Variants in CELF1 observed in about 807,000 individuals in gnomAD.
CELF1 encodes the protein 50 kDa nuclear polyadenylated RNA-binding protein.
CELF1 carries 10 observed loss-of-function variants against 61.8 expected under a neutral mutation model. The observed-to-expected ratio is 0.16, with a 90% CI of 0.10 to 0.27. The LOEUF is 0.27. Ranked by LOEUF, CELF1 falls within the 10% of genes least tolerant of loss-of-function variation. The pLI is 1.00. For synonymous variants in CELF1, 236 were observed against 225.1 expected (o/e 1.05, Z -0.43); for missense variants, 380 against 639.1 (o/e 0.59, Z 4.37).
intron 1 of CELF1, among the ~76,000 whole-genome samples, chr11:47,544,693 T>C (rs910303103): frequency 5.2e-4 from 79 of 152,222 alleles, no homozygotes; most frequent in African/African-American, 1.6e-3. Flanking sequence ...CTGGTAACTA[T>C]AGGATTATAT....
chr11:47,545,194 C>T (rs2096901501), intron 1 of CELF1, among the ~76,000 whole-genome samples: 1 of 152,072 alleles, frequency 6.6e-6, no homozygotes, highest in African/African-American at 2.4e-5. Context: ...CTTTGGGAAG[C>T]CGAGGTGGGC....
At chr11:47,522,813 G>A (rs910544964) in intron 1 of CELF1, among the ~76,000 whole-genome samples, 5 of 145,236 alleles carry the variant, frequency 3.4e-5, no homozygotes, top group East Asian at 2.0e-4. Flanking sequence ...GCAACAGAGC[G>A]AGACTCCATC....
At chr11:47,561,378 G>A (rs1306652522) in intron 2 of CELF1, among the ~76,000 whole-genome samples, 1 of 138,730 alleles carries the variant, frequency 7.2e-6, no homozygotes, top group Non-Finnish European at 1.5e-5. Context: ...AGGAGGCGGA[G>A]CTTGCAGTGA....
chr11:47,526,501 C>T (rs887945345), intron 1 of CELF1, among the ~76,000 whole-genome samples: 1 of 152,136 alleles, frequency 6.6e-6, no homozygotes, highest in South Asian at 2.1e-4. Context: ...TTTTTGCCTA[C>T]TTTAGAGAAA....
chr11:47,489,498 A>G (rs1158379534), intron 3 of CELF1, among the ~76,000 whole-genome samples: 4 of 152,242 alleles, frequency 2.6e-5, no homozygotes, highest in African/African-American at 2.4e-5. Flanking sequence ...AAGTTAGAAA[A>G]GAAGCACTTG....
Position 47,518,036 on chromosome 11 carries a change from A to G in CELF1, c.-153-17104T>C, listed in dbSNP as rs556090262. 5.3e-5 allele frequency among the ~76,000 whole-genome samples: 8 copies of G among 152,264 alleles called. No homozygotes were observed. The East Asian group carries it at 5.8e-4, about 11-fold the overall frequency. On this transcript the variant is annotated intron_variant, in intron 1 of 14. Coordinates refer to ENST00000687097, the MANE Select transcript of CELF1 (RefSeq NM_001376376.1). ...CCTTGTCCACTTCCCCCTGCAACCC[A>G]TAAGTCCATTCCTACCACTTAAAAA... is the stretch of plus-strand genomic sequence containing the variant.
chr11:47,543,424 A>C (rs2096859177), intron 1 of CELF1, among the ~76,000 whole-genome samples: 1 of 152,178 alleles, frequency 6.6e-6, no homozygotes, highest in South Asian at 2.1e-4. Flanking sequence ...AGCCCAAAAA[A>C]GCCCCAAACT....
Position 47,473,246 on chromosome 11 carries a change from G to A in CELF1, c.1274-15C>T. 6.2e-7 allele frequency: 1 copy of A among 1,607,488 alleles called. No homozygotes were observed. Among genetic ancestry groups the A allele is most frequent in the African/African-American group, 1.3e-5 (1 of 74,666 alleles). ...TCCCTCTGGACCTTCAAAATACCCAGGAATTGGAAAAGTATCAGTGTCAAA... is the reference window on the plus strand; with the variant it reads ...TCCCTCTGGACCTTCAAAATACCCAAGAATTGGAAAAGTATCAGTGTCAAA... On this transcript the variant is annotated splice_polypyrimidine_tract_variant and intron_variant, in intron 13 of 14. Transcript: ENST00000687097.
At position 47,517,076 on chromosome 11, in the gene CELF1, T is replaced by C. The variant is rs371117176; in HGVS notation, c.-153-16144A>G. ...AGCCCAGGCAATATAGTGAGACTTA[T>C]CTCTACAAAAAAATTCAAAAATTAG... On this transcript the variant is annotated intron_variant, in intron 1 of 14. Coordinates refer to ENST00000687097, the MANE Select transcript of CELF1 (RefSeq NM_001376376.1). Among the ~76,000 whole-genome samples, 14 of 152,028 alleles carry C rather than the reference T, an allele frequency of 9.2e-5. 1 individual carries two copies. In the East Asian group the frequency reaches 2.5e-3, roughly 27 times the overall value.
intron 1 of CELF1, among the ~76,000 whole-genome samples, chr11:47,543,761 T>TA (rs75482377): frequency 4.6e-4 from 69 of 148,672 alleles, no homozygotes; most frequent in Middle Eastern, 3.5e-3. Flanking sequence ...ACCCCGTCTC[T>TA]AAAAAAAAAA....
intron 9 of CELF1, among the ~76,000 whole-genome samples, chr11:47,481,662 T>C (rs2083334091): frequency 6.6e-6 from 1 of 152,206 alleles, no homozygotes; most frequent in Non-Finnish European, 1.5e-5. Flanking sequence ...TTTTCCTCTT[T>C]GACTCACAAA....
At chr11:47,537,384 AC>A (rs1365064379) in intron 1 of CELF1, among the ~76,000 whole-genome samples, 1 of 151,830 alleles carries the variant, frequency 6.6e-6, no homozygotes, top group Admixed American at 6.6e-5. Flanking sequence ...AGTAGCTGAG[AC>A]TATAGGCACA....
rs1200360027 is a variant in CELF1, at chr11:47,470,014, A to G, written c.*2216T>C. 2 of 152,260 alleles carry G rather than the reference A, an allele frequency of 1.3e-5. No individual in the cohort carries two copies. Among genetic ancestry groups the G allele is most frequent in the Non-Finnish European group, 2.9e-5 (2 of 68,092 alleles). The allele number at this position is 152,260 out of a possible 1,614,324, so 9.4% of individuals were successfully genotyped here. A position where few individuals can be genotyped will look rare whatever the true frequency, so the allele number is the denominator to read the frequency against. On this transcript the variant is annotated 3_prime_UTR_variant, in exon 15 of 15. Transcript: ENST00000687097. ...TGGAGCACAGCTCTCTCCTCTGCCA[A>G]TTCACAGCATTAACACCTTCCCCTT...
chr11:47,552,944 C>CCCCT (rs776432610), intron 1 of CELF1, 48 bp downstream of exon 1: 9 of 396,608 alleles, frequency 2.3e-5, no homozygotes, highest in Non-Finnish European at 3.6e-5. Flanking sequence ...TGCCTTTTTT[C>CCCCT]CCCTCCCTCC....
intron 1 of CELF1, among the ~76,000 whole-genome samples, chr11:47,533,083 T>C (rs2096529801): frequency 6.6e-6 from 1 of 151,866 alleles, no homozygotes. Context: ...TTTTTTTTTC[T>C]ATCACAGTAT....
intron 1 of CELF1, among the ~76,000 whole-genome samples, chr11:47,529,909 A>G (rs2096406805): frequency 6.6e-6 from 1 of 152,200 alleles, no homozygotes; most frequent in African/African-American, 2.4e-5. Flanking sequence ...AGGCAAACAA[A>G]GAAGCCACCC....
At chr11:47,547,053 G>A (rs572641081) in intron 1 of CELF1, among the ~76,000 whole-genome samples, 13 of 29,560 alleles carry the variant, frequency 4.4e-4, no homozygotes, top group African/African-American at 1.6e-3. Context: ...CAACAAAAGC[G>A]AAACTCCACC....
chr11:47,482,797 C>T lies in CELF1; in HGVS notation c.666G>A (p.Lys222=), dbSNP rs976708692. The change falls in exon 9 of 15, where the codon AAG becomes AAA. Residue 222 remains lysine, a synonymous_variant. Coordinates refer to ENST00000687097, the MANE Select transcript of CELF1 (RefSeq NM_001376376.1). ...GCTGCTGGAGCTGCTGGGCCATTCTCTTCTGTTCTTTGTCCTTCTGTGTAT... is the reference window on the plus strand; with the variant it reads ...GCTGCTGGAGCTGCTGGGCCATTCTTTTCTGTTCTTTGTCCTTCTGTGTAT... ...FADTQKDKEQ[K]RMAQQLQQQM... The T allele has an allele frequency of 3.1e-6, 5 of 1,614,062 alleles. No individual in the cohort carries two copies. The highest frequency in any genetic ancestry group is 3.3e-5 in the Admixed American group (2 of 60,002).
At chr11:47,509,837 G>C (rs1026250993) in intron 1 of CELF1, among the ~76,000 whole-genome samples, 7 of 149,962 alleles carry the variant, frequency 4.7e-5, no homozygotes, top group Non-Finnish European at 7.4e-5. Context: ...GACCAGTCTG[G>C]CCAACACGGT....
Sources: allele counts gnomAD v4.1 joint callset (sites outside exome capture counted in the v4.1 genomes callset), GRCh38; gene constraint gnomAD v4.1.1; transcripts MANE v1.5; gene names NCBI Gene and HGNC (gene_info 2026-07-23, HGNC 2026-07-21).